EYS: variants seen among roughly 807,000 people sequenced by gnomAD.
EYS encodes EGF-like photoreceptor maintenance factor.
Under a neutral mutation model 282.1 loss-of-function variants are expected in EYS, and 250 were observed. That is an observed-to-expected ratio of 0.89 (90% confidence interval 0.80 to 0.98). The LOEUF (loss-of-function observed/expected upper bound fraction) is 0.98. Ranked by LOEUF, EYS falls within the 50% of genes least tolerant of loss-of-function variation. The pLI is 0.00. For missense variants in EYS, 4,016 were observed against 3,709.0 expected, an observed-to-expected ratio of 1.08 and a Z score of -2.15; for synonymous variants, 1,355 against 1,282.9, an observed-to-expected ratio of 1.06 and a Z score of -1.20.
intron 31 of EYS, among the ~76,000 whole-genome samples, chr6:64,194,570 T>C (rs1765222784): frequency 6.6e-6 from 1 of 152,186 alleles, no homozygotes; most frequent in Admixed American, 6.5e-5. Flanking sequence ...TTATTACAAT[T>C]ACCTTTTGGT....
At chr6:63,832,394 G>A (rs183088031) in intron 36 of EYS, among the ~76,000 whole-genome samples, 9 of 152,234 alleles carry the variant, frequency 5.9e-5, no homozygotes, top group East Asian at 1.9e-4. Context: ...TATCACCACC[G>A]ATCCCACAGA....
Position 65,318,867 on chromosome 6 carries a change from C to T in EYS, c.1766+16113G>A, listed in dbSNP as rs577253219. Among the ~76,000 whole-genome samples the T allele has an allele frequency of 9.1e-3, 1,370 of 149,902 alleles. 19 individuals are homozygous for T. The highest frequency in any genetic ancestry group is 0.031 in the African/African-American group (1,282 of 41,064). On this transcript the variant is annotated intron_variant, in intron 11 of 42. Coordinates refer to ENST00000503581, the MANE Select transcript of EYS (RefSeq NM_001142800.2). ...ATGTTGGCCAGGCTGGTCTCAAACT[C>T]CTGAGCTCAAGGGATCCACCCGCCT... is the stretch of plus-strand genomic sequence containing the variant.
At chr6:64,082,293 G>T (rs1771999689) in intron 31 of EYS, among the ~76,000 whole-genome samples, 2 of 152,082 alleles carry the variant, frequency 1.3e-5, no homozygotes, top group Admixed American at 6.5e-5. Context: ...AAAAATTTGT[G>T]TACTTGCATT....
At chr6:64,470,402 C>A (rs1776086904) in intron 26 of EYS, among the ~76,000 whole-genome samples, 1 of 152,014 alleles carries the variant, frequency 6.6e-6, no homozygotes, top group East Asian at 1.9e-4. Flanking sequence ...AATTAAAAAA[C>A]AAAATAGATA....
chr6:64,150,840 T>C (rs1774678645), intron 31 of EYS, among the ~76,000 whole-genome samples: 1 of 152,084 alleles, frequency 6.6e-6, no homozygotes, highest in African/African-American at 2.4e-5. Flanking sequence ...GCTAAAAGAA[T>C]ACCATTTTTA....
intron 12 of EYS, among the ~76,000 whole-genome samples, chr6:65,208,946 G>T (rs550862683): frequency 6.6e-6 from 1 of 151,794 alleles, no homozygotes; most frequent in Non-Finnish European, 1.5e-5. Context: ...AAATAATATT[G>T]TAAGATATAT....
intron 13 of EYS, among the ~76,000 whole-genome samples, chr6:65,051,457 G>C (rs79413844): frequency 0.027 from 4,128 of 151,494 alleles, 67 homozygotes; most frequent in South Asian, 0.071. Context: ...TATATATGTA[G>C]CATTCAATGT....
intron 15 of EYS, among the ~76,000 whole-genome samples, chr6:64,929,030 C>T (rs1380580434): frequency 6.6e-6 from 1 of 152,088 alleles, no homozygotes; most frequent in Non-Finnish European, 1.5e-5. Context: ...CCCAAAAGAC[C>T]TTGAGGTCCT....
chr6:65,343,509 C>G (rs1283127808), intron 10 of EYS, among the ~76,000 whole-genome samples: 1 of 151,214 alleles, frequency 6.6e-6, no homozygotes, highest in Admixed American at 6.6e-5. Context: ...TTGTATAAGA[C>G]AGTGGTGAGG....
At chr6:65,565,325 T>C (rs536214076) in intron 2 of EYS, among the ~76,000 whole-genome samples, 128 of 147,072 alleles carry the variant, frequency 8.7e-4, no homozygotes, top group Non-Finnish European at 1.5e-3. Flanking sequence ...GACATTTATG[T>C]GGCCAACAAA....
chr6:64,318,000 G>A (rs1378888916), intron 29 of EYS, among the ~76,000 whole-genome samples: 1 of 151,914 alleles, frequency 6.6e-6, no homozygotes, highest in Non-Finnish European at 1.5e-5. Flanking sequence ...GATACAGAGA[G>A]GGGAATATCA....
chr6:65,614,055 C>G (rs1320083767), intron 2 of EYS, among the ~76,000 whole-genome samples: 1 of 151,938 alleles, frequency 6.6e-6, no homozygotes, highest in Non-Finnish European at 1.5e-5. Flanking sequence ...TCACAAAGTG[C>G]CAGGCACATG....
intron 26 of EYS, among the ~76,000 whole-genome samples, chr6:64,460,004 C>T (rs1016969993): frequency 6.6e-6 from 1 of 150,880 alleles, no homozygotes; most frequent in African/African-American, 2.4e-5. Flanking sequence ...TTCTGTTGTG[C>T]CAGGACTCTT....
chr6:65,492,942 A>G (rs1233438252), intron 4 of EYS, among the ~76,000 whole-genome samples: 1 of 152,116 alleles, frequency 6.6e-6, no homozygotes, highest in African/African-American at 2.4e-5. Context: ...TTTTTGAGAC[A>G]GTCTCCCTTC....
At chr6:64,204,238 A>G (rs1469926126) in intron 31 of EYS, among the ~76,000 whole-genome samples, 1 of 152,150 alleles carries the variant, frequency 6.6e-6, no homozygotes, top group Non-Finnish European at 1.5e-5. Context: ...GCTTCAAAGC[A>G]ATGTTCTTCA....
intron 12 of EYS, among the ~76,000 whole-genome samples, chr6:65,193,824 G>A: frequency 6.6e-6 from 1 of 151,826 alleles, no homozygotes; most frequent in Admixed American, 6.6e-5. Flanking sequence ...CTCAGAGCCT[G>A]AGTACAAAGG....
chr6:64,623,795 C>A (rs10944632), intron 23 of EYS, among the ~76,000 whole-genome samples: 16,381 of 151,970 alleles, frequency 0.11, 1,065 homozygotes, highest in East Asian at 0.16. Flanking sequence ...ATGCATTTAC[C>A]AAAGCTATAA....
intron 2 of EYS, among the ~76,000 whole-genome samples, chr6:65,512,899 C>T (rs149894932): frequency 0.04 from 6,108 of 152,162 alleles, 282 homozygotes; most frequent in African/African-American, 0.11. Flanking sequence ...CAAGAGCAAA[C>T]ACATTCAAAA....
At chr6:64,793,266 T>C (rs1322752587) in intron 22 of EYS, among the ~76,000 whole-genome samples, 1 of 152,196 alleles carries the variant, frequency 6.6e-6, no homozygotes, top group Admixed American at 6.6e-5. Flanking sequence ...TAGTGTTAGC[T>C]ATATTCCACT....
Sources: allele counts gnomAD v4.1 joint callset (sites outside exome capture counted in the v4.1 genomes callset), GRCh38; gene constraint gnomAD v4.1.1; transcripts MANE v1.5; gene names NCBI Gene and HGNC (gene_info 2026-07-23, HGNC 2026-07-21).